NALCN: variants seen among roughly 807,000 people sequenced by gnomAD.
The protein encoded by NALCN is sodium leak channel, non-selective.
A neutral mutation model predicts 225.3 loss-of-function variants in NALCN; 111 were observed. The observed-to-expected ratio is 0.49, with a 90% CI of 0.42 to 0.58. The LOEUF (loss-of-function observed/expected upper bound fraction) is 0.58. NALCN is among the 20% of genes least tolerant of loss of function. NALCN has a pLI of 0.00. For missense variants in NALCN, 1,378 were observed against 2,202.4 expected, an observed-to-expected ratio of 0.63 and a Z score of 7.49; for synonymous variants, 764 against 769.0, an observed-to-expected ratio of 0.99 and a Z score of 0.11.
chr13:101,084,290 G>T (rs9518300), intron 30 of NALCN, among the ~76,000 whole-genome samples: 26 of 152,298 alleles, frequency 1.7e-4, no homozygotes, highest in Non-Finnish European at 3.1e-4. Context: ...TAAGAAAGTA[G>T]TGCTGTGATA....
At chr13:101,096,088 C>T (rs1204598165) in intron 27 of NALCN, among the ~76,000 whole-genome samples, 1 of 152,010 alleles carries the variant, frequency 6.6e-6, no homozygotes, top group Non-Finnish European at 1.5e-5. Flanking sequence ...GTGGAGGAAT[C>T]GCAATCCTCA....
rs149953136 is a variant in NALCN at position 101,407,057 on chromosome 13, T to C, written c.-39-7892A>G. On this transcript the variant is annotated intron_variant, in intron 1 of 43. Transcript: ENST00000251127. ...TTTACAGAGATTGTGCAAGAGCAAT[T>C]AAAAGGTATGTATTGAGAAAGTTTT... is the stretch of plus-strand genomic sequence containing the variant. Among the ~76,000 whole-genome samples, 1,269 of 152,260 alleles carry C rather than the reference T, an allele frequency of 8.3e-3. 13 individuals carry two copies. Among genetic ancestry groups the C allele is most frequent in the South Asian group, 0.013 (65 of 4,828 alleles).
chr13:101,300,179 T>G (rs2043900343), intron 7 of NALCN, among the ~76,000 whole-genome samples: 1 of 152,122 alleles, frequency 6.6e-6, no homozygotes, highest in Non-Finnish European at 1.5e-5. Flanking sequence ...CATCCTGAAT[T>G]GCAGAGATTT....
At chr13:101,313,010 C>G (rs1049343866) in intron 7 of NALCN, among the ~76,000 whole-genome samples, 1 of 152,016 alleles carries the variant, frequency 6.6e-6, no homozygotes, top group Non-Finnish European at 1.5e-5. Flanking sequence ...CAGAACAGAG[C>G]CCTCAGAAAT....
At chr13:101,081,362 C>G (rs1180461398) in intron 34 of NALCN, among the ~76,000 whole-genome samples, 165 bp downstream of exon 34, 1 of 152,098 alleles carries the variant, frequency 6.6e-6, no homozygotes, top group African/African-American at 2.4e-5. Flanking sequence ...CATGTAGACA[C>G]AAGCATGTCT....
At chr13:101,220,194 C>T (rs1170814345) in intron 13 of NALCN, among the ~76,000 whole-genome samples, 2 of 152,106 alleles carry the variant, frequency 1.3e-5, no homozygotes, top group African/African-American at 4.8e-5. Flanking sequence ...TTTCACTTTG[C>T]GATACATCAT....
Position 101,378,524 on chromosome 13 carries a change from C to T in NALCN, c.375+46G>A, listed in dbSNP as rs749258823. The T allele has an allele frequency of 7.6e-6, 11 of 1,445,448 alleles. No homozygotes were observed. In the East Asian group the frequency reaches 1.4e-4, roughly 18 times the overall value. The allele number at this position is 1,445,448 out of a possible 1,614,324, so 89.5% of individuals were successfully genotyped here. ...TTAGACTTTTAATGCAAAATAATTC[C>T]CATTTTGGAGAATACCTGCTTGTAA... On this transcript the variant is annotated intron_variant, in intron 4 of 43. Transcript: ENST00000251127.
At chr13:101,275,102 C>CG (rs1283230122) in intron 10 of NALCN, among the ~76,000 whole-genome samples, 2 of 152,138 alleles carry the variant, frequency 1.3e-5, no homozygotes, top group Admixed American at 6.5e-5. Context: ...CTGCTGCTCC[C>CG]GGCCACGCCT....
At chr13:101,162,858 T>G (rs898466658) in intron 15 of NALCN, among the ~76,000 whole-genome samples, 8 of 152,220 alleles carry the variant, frequency 5.3e-5, no homozygotes, top group Non-Finnish European at 7.3e-5. Context: ...AAGTGTGAGC[T>G]TCTCTCCTGT....
intron 20 of NALCN, 33 bp from the exon 21 acceptor site, chr13:101,107,822 C>T (rs748562228): frequency 6.3e-6 from 10 of 1,578,010 alleles, no homozygotes; most frequent in African/African-American, 1.4e-5. Flanking sequence ...TGTGTTAAAA[C>T]AGGAGGGTTT....
chr13:101,411,309 G>T (rs2139558440), intron 1 of NALCN, among the ~76,000 whole-genome samples: 1 of 149,276 alleles, frequency 6.7e-6, no homozygotes, highest in Admixed American at 6.7e-5. Flanking sequence ...CTGTGGGCAT[G>T]CTTCCGCTTC....
rs2041611190 is a variant in NALCN, at chr13:101,237,677, G to A, written c.1434+78C>T. 7.4e-6 allele frequency: 6 copies of A among 807,442 alleles called. No individual in the cohort carries two copies. In the South Asian group the frequency reaches 1.9e-4, roughly 25 times the overall value. 50.0% of individuals were successfully genotyped at this position (807,442 alleles called of 1,614,324 possible). A position where few individuals can be genotyped will look rare whatever the true frequency, so the allele number is the denominator to read the frequency against. ...TAAATATTATATATAATTCTATGTG[G>A]TTGTTAAAATAATGTGACAGGTATT... On this transcript the variant is annotated intron_variant, in intron 12 of 43. Coordinates refer to ENST00000251127, the MANE Select transcript of NALCN (RefSeq NM_052867.4).
intron 7 of NALCN, among the ~76,000 whole-genome samples, chr13:101,306,002 G>T (rs1255860594): frequency 6.6e-6 from 1 of 152,208 alleles, no homozygotes; most frequent in African/African-American, 2.4e-5. Context: ...ATGTAAAAGG[G>T]AAGAGTGTGT....
chr13:101,394,305 C>A (rs2047223205), intron 3 of NALCN, among the ~76,000 whole-genome samples: 1 of 152,134 alleles, frequency 6.6e-6, no homozygotes, highest in Non-Finnish European at 1.5e-5. Context: ...ATGAAATTGA[C>A]AAATAATTAT....
intron 7 of NALCN, among the ~76,000 whole-genome samples, chr13:101,324,496 TC>T (rs34891183): frequency 6.6e-6 from 1 of 152,212 alleles, no homozygotes; most frequent in African/African-American, 2.4e-5. Context: ...CTCCTTCACA[TC>T]CCTTGTAAGT....
intron 13 of NALCN, among the ~76,000 whole-genome samples, chr13:101,212,560 G>A (rs557253310): frequency 1.3e-5 from 2 of 152,218 alleles, no homozygotes; most frequent in African/African-American, 4.8e-5. Flanking sequence ...AAAGAATGTT[G>A]ATAGAATTAT....
chr13:101,128,364 C>T (rs540861368), intron 17 of NALCN, among the ~76,000 whole-genome samples: 54 of 152,318 alleles, frequency 3.5e-4, no homozygotes, highest in African/African-American at 1.3e-3. Context: ...TACTTTAACA[C>T]ATAATTCAAA....
chr13:101,388,728 C>T (rs1403808944), intron 3 of NALCN, among the ~76,000 whole-genome samples: 1 of 152,156 alleles, frequency 6.6e-6, no homozygotes, highest in East Asian at 1.9e-4. Flanking sequence ...AAATCCAAGT[C>T]TTTATTTAAT....
At chr13:101,147,492 A>G (rs1594306359) in intron 15 of NALCN, among the ~76,000 whole-genome samples, 1 of 151,784 alleles carries the variant, frequency 6.6e-6, no homozygotes, top group Non-Finnish European at 1.5e-5. Flanking sequence ...ATAAGCATGC[A>G]CCACCACACC....
Sources: allele counts gnomAD v4.1 joint callset (sites outside exome capture counted in the v4.1 genomes callset), GRCh38; gene constraint gnomAD v4.1.1; transcripts MANE v1.5; gene names NCBI Gene and HGNC (gene_info 2026-07-23, HGNC 2026-07-21).